Variants in KEL observed in about 807,000 individuals in gnomAD.
KEL encodes Kell metallo-endopeptidase (Kell blood group), also known as kell blood group glycoprotein.
KEL carries 96 observed loss-of-function variants against 99.5 expected under a neutral mutation model. The observed-to-expected ratio is 0.97, with a 90% confidence interval of 0.82 to 1.14. The LOEUF is 1.14. Ranked by LOEUF, KEL falls within the 50% of genes most tolerant of loss-of-function variation. The pLI is 0.00. For missense variants in KEL, 926 were observed against 924.2 expected (o/e 1.00, Z -0.03); for synonymous variants, 355 against 354.8 (o/e 1.00, Z -0.01).
chr7:142,953,756 G>T (rs908979665), intron 9 of KEL, 52 bp downstream of exon 9: 3 of 1,602,992 alleles, frequency 1.9e-6, no homozygotes, highest in Admixed American at 3.3e-5. Context: ...GATCTACGGT[G>T]CTCAGGCTCT....
intron 1 of KEL, 127 bp downstream of exon 1, chr7:142,962,077 C>T (rs74488480): frequency 6.2e-7 from 1 of 1,612,600 alleles, no homozygotes; most frequent in East Asian, 2.2e-5. Context: ...CTCCCATTAC[C>T]TCCCTCTCTC....
chr7:142,961,268 G>A (rs1424101473), intron 3 of KEL, 92 bp downstream of exon 3: 5 of 1,581,044 alleles, frequency 3.2e-6, no homozygotes, highest in Non-Finnish European at 3.5e-6. Flanking sequence ...CCAAGGGTCA[G>A]GGTGGGCAGA....
Position 142,958,307 on chromosome 7 carries a change from C to G in KEL, c.522G>C (p.Glu174Asp). The G allele has an allele frequency of 1.2e-6, 2 of 1,614,160 alleles. No homozygotes were observed. The highest frequency in any genetic ancestry group is 1.7e-6 in the Non-Finnish European group (2 of 1,180,036). Residue 174 changes from glutamate to aspartate, a missense_variant, in exon 5 of 19, where the codon GAG (glutamate) becomes GAC (aspartate). Physicochemically the swap from Glu to Asp is conservative, Grantham distance 45. Transcript: ENST00000355265. ...AGTGPLRQVI[E>D]ELGGWRISGK... ...TTAATATCCCAACTTTTCTCACCTC[C>G]TCAATAACTTGTCTGAGGGGACCAG...
At chr7:142,955,776 T>C (rs8175987) in intron 6 of KEL, among the ~76,000 whole-genome samples, 166 of 152,350 alleles carry the variant, frequency 1.1e-3, no homozygotes, top group African/African-American at 3.6e-3. Flanking sequence ...TGCTACATTG[T>C]ATGTCCACAG....
At chr7:142,962,068 TC>T in intron 1 of KEL, 135 bp downstream of exon 1, 1 of 1,611,696 alleles carries the variant, frequency 6.2e-7, no homozygotes, top group Non-Finnish European at 8.5e-7. Context: ...TCGATCCCTC[TC>T]CCATTACCTC....
At chr7:142,945,575 T>TA (rs1055187645) in intron 11 of KEL, among the ~76,000 whole-genome samples, 8 of 152,222 alleles carry the variant, frequency 5.3e-5, no homozygotes, top group Non-Finnish European at 8.8e-5. Flanking sequence ...CATGTGTTGT[T>TA]AAAAAAATCT....
intron 6 of KEL, among the ~76,000 whole-genome samples, chr7:142,957,335 G>T (rs536449260): frequency 1.3e-5 from 2 of 152,238 alleles, no homozygotes; most frequent in South Asian, 4.1e-4. Flanking sequence ...AGGAATGTAC[G>T]GGAGATAAGG....
chr7:142,956,758 C>T (rs967001869), intron 6 of KEL, among the ~76,000 whole-genome samples: 4 of 152,204 alleles, frequency 2.6e-5, no homozygotes, highest in East Asian at 1.9e-4. Flanking sequence ...AGATCTTAAC[C>T]GGCCCCTAAA....
In KEL at chr7:142,946,239, G is replaced by A. The variant is rs763707975; in HGVS notation, c.1282C>T (p.Arg428Cys). 54 of 1,613,942 alleles carry A rather than the reference G, an allele frequency of 3.3e-5. No individual in the cohort carries two copies. The East Asian group carries it at 7.8e-4, about 23-fold the overall frequency. ...FEPTLAALFV[R>C]EAFGPSTRSA... ...CGGGTGCTCGGGCCAAAGGCCTCAC[G>A]AACAAACAAAGCCGCCAGCGTGGGC... The change falls in exon 11 of 19, where the codon CGT becomes TGT. Residue 428 changes from arginine to cysteine, a missense_variant. Coordinates refer to ENST00000355265, the MANE Select transcript of KEL (RefSeq NM_000420.3).
At position 142,961,049 on chromosome 7, in the gene KEL, C is replaced by T; in HGVS notation, c.279G>A (p.Gly93=). 6.2e-7 allele frequency: 1 copy of T among 1,614,196 alleles called. No homozygotes were observed. The highest frequency in any genetic ancestry group is 1.3e-5 in the African/African-American group (1 of 75,046). The change falls in exon 4 of 19, where the codon GGG becomes GGA. Residue 93 remains glycine, a synonymous_variant. Transcript: ENST00000355265. ...LDLRDHYLAS[G]NTSVAPCTDF... ...CGGTGCAGGGGGCCACACTTGTGTT[C>T]CCAGAGGCCAGGTAATGATCCCGGA...
chr7:142,955,032 A>T (rs1796794641), intron 6 of KEL, among the ~76,000 whole-genome samples: 1 of 152,216 alleles, frequency 6.6e-6, no homozygotes, highest in Non-Finnish European at 1.5e-5. Context: ...CTAAGCTGTA[A>T]CCAATCAAGC....
rs1344900119 is a variant in KEL, at chr7:142,962,164, C to A, written c.3+40G>T. 12 of 1,613,866 alleles carry A rather than the reference C, an allele frequency of 7.4e-6. No homozygotes were observed. In the South Asian group the frequency reaches 9.9e-5, roughly 13 times the overall value. On this transcript the variant is annotated intron_variant, in intron 1 of 18. Coordinates refer to ENST00000355265, the MANE Select transcript of KEL (RefSeq NM_000420.3). Reference sequence around the variant, plus strand: ...GGACTTTTGCACACAGCCACCCTCACCCCTCCCCGCTAAGCCTCTGACTCC... The same window carrying A: ...GGACTTTTGCACACAGCCACCCTCAACCCTCCCCGCTAAGCCTCTGACTCC...
At chr7:142,959,598 A>C (rs533991871) in intron 4 of KEL, among the ~76,000 whole-genome samples, 1 of 152,324 alleles carries the variant, frequency 6.6e-6, no homozygotes, top group African/African-American at 2.4e-5. Flanking sequence ...GAAAACTCAT[A>C]AGGAAAGGTT....
chr7:142,961,908 C>T (rs1796969005), intron 1 of KEL, 36 bp from the exon 2 acceptor site: 1 of 1,610,362 alleles, frequency 6.2e-7, no homozygotes, highest in Middle Eastern at 1.7e-4. Flanking sequence ...GAGAGAGAAG[C>T]TGGTTCAGGA....
At chr7:142,947,738 G>T (rs1452285943) in intron 10 of KEL, among the ~76,000 whole-genome samples, 1 of 152,152 alleles carries the variant, frequency 6.6e-6, no homozygotes, top group Admixed American at 6.5e-5. Context: ...GGCCAGGCTG[G>T]TCTCAAACTC....
chr7:142,944,003 A>G, intron 13 of KEL, 120 bp from the exon 14 acceptor site: 2 of 806,080 alleles, frequency 2.5e-6, no homozygotes, highest in East Asian at 5.3e-5. Flanking sequence ...GCATCCAGGG[A>G]TTAGGAGAGA....
chr7:142,943,556 C>A lies in KEL; in HGVS notation c.1633G>T (p.Val545Leu), dbSNP rs549070520. The A allele has an allele frequency of 6.2e-7, 1 of 1,614,130 alleles. No individual in the cohort carries two copies. The highest frequency in any genetic ancestry group is 8.5e-7 in the Non-Finnish European group (1 of 1,180,004). The change falls in exon 15 of 19, where the codon GTA (valine) becomes TTA (leucine). Residue 545 changes from valine to leucine, a missense_variant. By Grantham distance (32) the Val-to-Leu change is conservative. Transcript: ENST00000355265. ...GGAAAGACTACCACATGGTCAGATA[C>A]CGAATAGTAAGCATTGACGTCCCAA... ...SPWDVNAYYS[V>L]SDHVVVFPAG...
intron 14 of KEL, 21 bp from the exon 15 acceptor site, chr7:142,943,617 A>G: frequency 6.3e-7 from 1 of 1,580,296 alleles, no homozygotes; most frequent in Non-Finnish European, 8.7e-7. Context: ...AGGACATGTG[A>G]ACTCCAGCCC....
chr7:142,961,460 T>G lies in KEL; in HGVS notation c.123A>C (p.Pro41=), dbSNP rs773259066. The G allele has an allele frequency of 6.2e-7, 1 of 1,610,934 alleles. No homozygotes were observed. Among genetic ancestry groups the G allele is most frequent in the Non-Finnish European group, 8.5e-7 (1 of 1,178,674 alleles). ...EERLPVEGSR[P]WAVARRVLTA... The stretch of plus-strand genomic sequence containing the variant: ...TCAGCACCCGCCTGGCCACTGCCCA[T>G]GGCCTGCTCCCTTCCACGGGCAGCC... The change falls in exon 3 of 19, where the codon CCA becomes CCC. Residue 41 remains proline (P), a synonymous_variant. Transcript: ENST00000355265.
Sources: gnomAD v4.1 joint callset for allele counts (sites outside exome capture counted in the v4.1 genomes callset) on GRCh38, gnomAD v4.1.1 for gene constraint, MANE v1.5 for transcripts, NCBI Gene and HGNC (gene_info 2026-07-23, HGNC 2026-07-21) for gene names.